PCDHA5: variants seen among roughly 807,000 people sequenced by gnomAD.
PCDHA5 encodes the protein protocadherin alpha 5.
Under a neutral mutation model 61.6 loss-of-function variants are expected in PCDHA5, and 43 were observed. The ratio of observed to expected loss-of-function variants is 0.70; its 90% CI spans 0.55 to 0.90. PCDHA5 has a LOEUF of 0.90. PCDHA5 is among the 40% of genes least tolerant of loss of function. The probability of loss-of-function intolerance (pLI) is 0.00; values close to 1 mark genes in which losing one functional copy is unlikely to be tolerated. For missense variants in PCDHA5, 1,298 were observed against 1,222.7 expected, an observed-to-expected ratio of 1.06 and a Z score of -0.92; for synonymous variants, 627 against 543.9, an observed-to-expected ratio of 1.15 and a Z score of -2.13.
chr5:140,828,695 A>G (rs2150158000), intron 1 of PCDHA5: 1 of 1,614,236 alleles, frequency 6.2e-7, no homozygotes, highest in South Asian at 1.1e-5. Flanking sequence ...ATCCTTGGAC[A>G]GAGAGGAAGC....
chr5:140,849,962 G>T, intron 1 of PCDHA5: 1 of 1,597,888 alleles, frequency 6.3e-7, no homozygotes, highest in Non-Finnish European at 8.6e-7. Flanking sequence ...AGAACGCCCT[G>T]GTGTCCTACT....
rs782058857 is a variant in PCDHA5 at position 140,870,963 on chromosome 5, G to A, written c.2352+46836G>A. Reference sequence around the variant, plus strand: ...CGGCGGCGGGCGGCTCGCGCATCCCGTTCCGCGTGGGGCTGTACACGGGCG... The same window carrying A: ...CGGCGGCGGGCGGCTCGCGCATCCCATTCCGCGTGGGGCTGTACACGGGCG... On this transcript the variant is annotated intron_variant, in intron 1 of 3. Coordinates refer to ENST00000529859, the MANE Select transcript of PCDHA5 (RefSeq NM_018908.3). 1.4e-5 allele frequency: 22 copies of A among 1,613,504 alleles called. 1 individual carries two copies. The highest frequency in any genetic ancestry group is 1.9e-5 in the Non-Finnish European group (22 of 1,179,890).
At chr5:140,910,985 A>G (rs1554194529) in intron 1 of PCDHA5, among the ~76,000 whole-genome samples, 1 of 151,754 alleles carries the variant, frequency 6.6e-6, no homozygotes, top group Non-Finnish European at 1.5e-5. Flanking sequence ...TATACTCTGA[A>G]CCTCACCCCT....
intron 3 of PCDHA5, among the ~76,000 whole-genome samples, chr5:140,989,404 A>G (rs2097341135): frequency 6.6e-6 from 1 of 152,134 alleles, no homozygotes; most frequent in Non-Finnish European, 1.5e-5. Flanking sequence ...GAGGGTGGAG[A>G]GTCTGCACTT....
intron 1 of PCDHA5, among the ~76,000 whole-genome samples, chr5:140,964,379 C>T (rs2095828218): frequency 6.6e-6 from 1 of 152,130 alleles, no homozygotes; most frequent in Non-Finnish European, 1.5e-5. Flanking sequence ...AAAGGAGAGT[C>T]CTGGTTTTTC....
intron 1 of PCDHA5, among the ~76,000 whole-genome samples, chr5:140,885,485 TTC>T (rs1412041657): frequency 1.3e-5 from 2 of 152,188 alleles, no homozygotes; most frequent in Admixed American, 6.5e-5. Context: ...GTGTCAAGTG[TTC>T]TGTTATCTTC....
chr5:140,863,361 C>T (rs1562578610), intron 1 of PCDHA5: 1 of 1,203,518 alleles, frequency 8.3e-7, no homozygotes. Flanking sequence ...CGCTGCGGTG[C>T]TTGGCGCAGC....
At chr5:140,870,702 G>A in intron 1 of PCDHA5, 2 of 1,613,072 alleles carry the variant, frequency 1.2e-6, no homozygotes, top group African/African-American at 1.3e-5. Context: ...TACAGTTCCA[G>A]GTGAGCGCGC....
chr5:140,842,778 A>G lies in PCDHA5; in HGVS notation c.2352+18651A>G, dbSNP rs2150344056. 1.9e-5 allele frequency: 31 copies of G among 1,594,532 alleles called. No homozygotes were observed. The East Asian group carries it at 6.7e-4, about 34-fold the overall frequency. ...TCTGCGCGAGACGCGGACGCGCAGG[A>G]GAACGCGCTGGTGTCCTACTCGCTT... is the stretch of plus-strand genomic sequence containing the variant. On this transcript the variant is annotated intron_variant, in intron 1 of 3. Coordinates refer to ENST00000529859, the MANE Select transcript of PCDHA5 (RefSeq NM_018908.3).
intron 1 of PCDHA5, among the ~76,000 whole-genome samples, chr5:140,891,372 G>A (rs1256551608): frequency 1.3e-5 from 2 of 151,962 alleles, no homozygotes; most frequent in Non-Finnish European, 2.9e-5. Flanking sequence ...AGTATACATT[G>A]CACCATATTT....
chr5:140,823,760 C>T lies in PCDHA5; in HGVS notation c.1985C>T (p.Ala662Val), dbSNP rs2150128884. ...GGAGAGCCCCCGCTGACAGCCACAG[C>T]CACAGTGCTGGTGTCGCTGGTGGAA... ...DHGEPPLTAT[A>V]TVLVSLVESG... The change falls in exon 1 of 4, where the codon GCC (alanine) becomes GTC (valine). Residue 662 changes from alanine to valine, a missense_variant. Coordinates refer to ENST00000529859, the MANE Select transcript of PCDHA5 (RefSeq NM_018908.3). The T allele has an allele frequency of 1.2e-6, 2 of 1,613,900 alleles. No homozygotes were observed. Among genetic ancestry groups the T allele is most frequent in the East Asian group, 2.2e-5 (1 of 44,864 alleles).
At chr5:140,869,712 G>A in intron 1 of PCDHA5, 4 of 1,613,408 alleles carry the variant, frequency 2.5e-6, no homozygotes, top group South Asian at 1.1e-5. Context: ...TGGATAGAGA[G>A]AAAACTCCGG....
chr5:140,985,739 CTTTTTTTTT>C (rs11372071), intron 3 of PCDHA5, among the ~76,000 whole-genome samples: 4 of 117,922 alleles, frequency 3.4e-5, no homozygotes, highest in African/African-American at 3.2e-5. Flanking sequence ...TGATGAATTC[CTTTTTTTTT>C]TTTTTTTTTT....
chr5:140,968,094 A>G, intron 1 of PCDHA5: 1 of 1,614,138 alleles, frequency 6.2e-7, no homozygotes. Flanking sequence ...ACAGCCACAG[A>G]TGGGGGAATA....
chr5:140,937,790 T>G (rs2091754196), intron 1 of PCDHA5, among the ~76,000 whole-genome samples: 1 of 151,512 alleles, frequency 6.6e-6, no homozygotes, highest in Non-Finnish European at 1.5e-5. Flanking sequence ...CGGGCGTATG[T>G]AGTCCCAGCT....
At chr5:141,007,299 T>C (rs550659664) in intron 3 of PCDHA5, among the ~76,000 whole-genome samples, 9 of 151,686 alleles carry the variant, frequency 5.9e-5, no homozygotes, top group African/African-American at 2.2e-4. Context: ...GCCTGTAATC[T>C]TAGCATTTTG....
chr5:140,969,549 C>G (rs1213967618), intron 1 of PCDHA5: 33 of 1,238,058 alleles, frequency 2.7e-5, no homozygotes, highest in Non-Finnish European at 3.4e-5. Flanking sequence ...AGGCATGAAG[C>G]CTTGTCCATA....
intron 1 of PCDHA5, among the ~76,000 whole-genome samples, chr5:140,895,670 G>C (rs551602030): frequency 3.9e-5 from 6 of 152,250 alleles, no homozygotes; most frequent in Non-Finnish European, 8.8e-5. Context: ...AGAACATGTA[G>C]TATTTGGTTT....
intron 1 of PCDHA5, 123 bp downstream of exon 1, chr5:140,824,250 T>G: frequency 4.3e-6 from 6 of 1,404,896 alleles, no homozygotes; most frequent in Non-Finnish European, 4.0e-6. Context: ...TGGTACACAA[T>G]TATTGCACTA....
Sources: allele counts gnomAD v4.1 joint callset (sites outside exome capture counted in the v4.1 genomes callset), GRCh38; gene constraint gnomAD v4.1.1; transcripts MANE v1.5; gene names NCBI Gene and HGNC (gene_info 2026-07-23, HGNC 2026-07-21).